The following SLC23A2 variants were observed in gnomAD, a reference collection of about 807,000 sequenced individuals.
The protein encoded by SLC23A2 is Na(+)/L-ascorbic acid transporter 2.
In SLC23A2, 36 loss-of-function variants were observed where a neutral mutation model predicts 73.3. The ratio of observed to expected loss-of-function variants is 0.49; its 90% CI spans 0.38 to 0.65. The LOEUF is 0.65. Among genes scored for constraint, SLC23A2 ranks in the 30% least tolerant of loss-of-function variants. SLC23A2 has a pLI of 0.00. For synonymous variants in SLC23A2, 343 were observed against 327.3 expected (o/e 1.05, Z -0.52); for missense variants, 507 against 841.6 (o/e 0.60, Z 4.92).
chr20:4,939,903 C>T (rs1206253257), intron 2 of SLC23A2, among the ~76,000 whole-genome samples: 2 of 152,102 alleles, frequency 1.3e-5, no homozygotes, highest in African/African-American at 2.4e-5. Flanking sequence ...GGATACTCTT[C>T]GATAGGAAAG....
At chr20:4,869,630 C>T (rs1390293892) in intron 12 of SLC23A2, 5 of 393,280 alleles carry the variant, frequency 1.3e-5, no homozygotes, top group Admixed American at 8.4e-5. Context: ...ACAGTGGTTT[C>T]GCAGAGAGTG....
intron 2 of SLC23A2, among the ~76,000 whole-genome samples, chr20:4,966,077 A>T (rs2087470579): frequency 1.3e-5 from 2 of 152,152 alleles, no homozygotes; most frequent in South Asian, 4.1e-4. Flanking sequence ...CCTCCAAAAA[A>T]ATAAAATTAT....
rs538682802 is a variant in SLC23A2, at chr20:4,889,487, A to G, written c.483-3578T>C. ...CTGGGAGAGGTGACCTTAACCCTGA[A>G]GCTATTCTCAGTCTTGAAGGAACCA... On this transcript the variant is annotated intron_variant, in intron 6 of 16. Transcript: ENST00000338244. Among the ~76,000 whole-genome samples the G allele has an allele frequency of 2.0e-5, 3 of 151,936 alleles. No homozygotes were observed. In the East Asian group the frequency reaches 5.8e-4, roughly 30 times the overall value.
chr20:4,988,668 G>A (rs1211995495), intron 1 of SLC23A2, among the ~76,000 whole-genome samples: 3 of 151,214 alleles, frequency 2.0e-5, no homozygotes, highest in Admixed American at 6.6e-5. Context: ...CCCAGGAGAT[G>A]GAGGTTGTGG....
chr20:4,946,091 A>G (rs1351799854), intron 2 of SLC23A2, among the ~76,000 whole-genome samples: 1 of 152,236 alleles, frequency 6.6e-6, no homozygotes, highest in Non-Finnish European at 1.5e-5. Flanking sequence ...CTAATGTGCC[A>G]TCTCAGCCTT....
intron 1 of SLC23A2, among the ~76,000 whole-genome samples, chr20:4,983,059 C>T (rs1357036708): frequency 2.0e-5 from 3 of 151,764 alleles, no homozygotes; most frequent in Admixed American, 6.6e-5. Context: ...GAGTCAAAAT[C>T]GCGCCATTGC....
chr20:5,003,943 T>G (rs991647744), upstream of SLC23A2, among the ~76,000 whole-genome samples: 1 of 152,154 alleles, frequency 6.6e-6, no homozygotes, highest in Admixed American at 6.6e-5. Context: ...TACCACTGTT[T>G]CTTGCTAACT....
intron 11 of SLC23A2, among the ~76,000 whole-genome samples, chr20:4,870,773 G>A (rs577297304): frequency 7.9e-5 from 12 of 152,212 alleles, no homozygotes; most frequent in African/African-American, 2.6e-4. Flanking sequence ...CCTTCCCCAG[G>A]GGAGGACATC....
At chr20:4,874,766 T>G in intron 9 of SLC23A2, 70 bp from the exon 10 acceptor site, 1 of 1,343,680 alleles carries the variant, frequency 7.4e-7, no homozygotes, top group Non-Finnish European at 1.0e-6. Context: ...CACTCGAAGC[T>G]TCTATGGCAA....
chr20:4,940,231 C>T (rs1239220718), intron 2 of SLC23A2, among the ~76,000 whole-genome samples: 3 of 152,132 alleles, frequency 2.0e-5, no homozygotes, highest in African/African-American at 7.2e-5. Flanking sequence ...AGATGGATCA[C>T]TTGAGCCTGG....
intron 2 of SLC23A2, among the ~76,000 whole-genome samples, chr20:4,949,167 A>T (rs2087160503): frequency 6.6e-6 from 1 of 152,016 alleles, no homozygotes; most frequent in Non-Finnish European, 1.5e-5. Context: ...AGGCACCTGT[A>T]ATCCCAGCTA....
intron 3 of SLC23A2, among the ~76,000 whole-genome samples, chr20:4,928,289 C>T (rs1027228040): frequency 1.3e-5 from 2 of 152,204 alleles, no homozygotes; most frequent in African/African-American, 4.8e-5. Flanking sequence ...GATCCTCCCA[C>T]CTTGGCCTCC....
At chr20:4,984,456 C>T (rs1368061058) in intron 1 of SLC23A2, among the ~76,000 whole-genome samples, 1 of 150,644 alleles carries the variant, frequency 6.6e-6, no homozygotes, top group Non-Finnish European at 1.5e-5. Context: ...TGGAGGCTGA[C>T]GCAGGAGAAT....
chr20:4,933,387 G>A (rs1205563164), intron 2 of SLC23A2, among the ~76,000 whole-genome samples: 4 of 152,016 alleles, frequency 2.6e-5, no homozygotes, highest in Non-Finnish European at 1.5e-5. Context: ...TGGGAGATAG[G>A]TGGATCACTT....
At chr20:4,921,403 A>G (rs1932495784) in intron 3 of SLC23A2, among the ~76,000 whole-genome samples, 1 of 152,080 alleles carries the variant, frequency 6.6e-6, no homozygotes. Flanking sequence ...GCAACATGGC[A>G]AAACCCCATT....
intron 6 of SLC23A2, among the ~76,000 whole-genome samples, chr20:4,896,957 T>C (rs1483846024): frequency 6.6e-6 from 1 of 152,174 alleles, no homozygotes; most frequent in African/African-American, 2.4e-5. Context: ...TCAGCCCTCC[T>C]GGGCAGAGCC....
At chr20:4,943,200 C>T (rs1010073895) in intron 2 of SLC23A2, among the ~76,000 whole-genome samples, 18 of 151,968 alleles carry the variant, frequency 1.2e-4, no homozygotes, top group Admixed American at 9.8e-4. Context: ...TACATTTACT[C>T]CAAGTAGACG....
chr20:4,876,281 A>C (rs1362549396), intron 9 of SLC23A2, among the ~76,000 whole-genome samples: 1 of 152,174 alleles, frequency 6.6e-6, no homozygotes, highest in Non-Finnish European at 1.5e-5. Flanking sequence ...TTTTGTCATC[A>C]TTATTTCAGG....
At chr20:4,988,269 T>C (rs1187742935) in intron 1 of SLC23A2, among the ~76,000 whole-genome samples, 2 of 151,826 alleles carry the variant, frequency 1.3e-5, no homozygotes, top group Admixed American at 6.6e-5. Context: ...ACCATTGTAC[T>C]CCAGCTTGGG....
Sources: gnomAD v4.1 joint callset for allele counts (sites outside exome capture counted in the v4.1 genomes callset) on GRCh38, gnomAD v4.1.1 for gene constraint, MANE v1.5 for transcripts, NCBI Gene and HGNC (gene_info 2026-07-23, HGNC 2026-07-21) for gene names.